Variants in ADAMTSL1 observed in about 807,000 individuals in gnomAD.
The protein encoded by ADAMTSL1 is ADAMTS like 1, also known as ADAMTS-like protein 1.
ADAMTSL1 carries 126 observed loss-of-function variants against 201.8 expected under a neutral mutation model. The observed-to-expected ratio is 0.62, with a 90% CI of 0.54 to 0.72. The LOEUF (loss-of-function observed/expected upper bound fraction) is 0.72, where lower values mean the gene tolerates loss of function less well. ADAMTSL1 is among the 30% of genes least tolerant of loss of function. The probability of loss-of-function intolerance (pLI) is 0.00; values close to 1 mark genes in which losing one functional copy is unlikely to be tolerated. For missense variants in ADAMTSL1, 2,679 were observed against 2,277.8 expected, an observed-to-expected ratio of 1.18 and a Z score of -3.59; for synonymous variants, 1,121 against 903.4, an observed-to-expected ratio of 1.24 and a Z score of -4.32.
At chr9:18,883,677 CT>C (rs1451546230) in intron 23 of ADAMTSL1, among the ~76,000 whole-genome samples, 1 of 152,108 alleles carries the variant, frequency 6.6e-6, no homozygotes, top group Non-Finnish European at 1.5e-5. Context: ...AATATTTGTC[CT>C]TTTATATCTG....
chr9:18,618,232 T>C (rs977629410), intron 4 of ADAMTSL1, among the ~76,000 whole-genome samples: 4 of 152,234 alleles, frequency 2.6e-5, no homozygotes, highest in Non-Finnish European at 5.9e-5. Flanking sequence ...TAAAAACACA[T>C]GTACATATAC....
chr9:18,226,479 G>T (rs1170413050), intron 2 of ADAMTSL1, among the ~76,000 whole-genome samples: 1 of 152,086 alleles, frequency 6.6e-6, no homozygotes, highest in Non-Finnish European at 1.5e-5. Context: ...TCAGATAAGG[G>T]TTTCATACAT....
chr9:18,437,356 C>G (rs973494217), intron 2 of ADAMTSL1, among the ~76,000 whole-genome samples: 1 of 152,124 alleles, frequency 6.6e-6, no homozygotes, highest in Non-Finnish European at 1.5e-5. Context: ...ATCCCCAGTG[C>G]TGCTAGTTTT....
chr9:18,816,483 C>T (rs1563825380), intron 20 of ADAMTSL1, among the ~76,000 whole-genome samples: 1 of 152,138 alleles, frequency 6.6e-6, no homozygotes, highest in Non-Finnish European at 1.5e-5. Context: ...GTGATCGACC[C>T]ACCTCAGCCT....
chr9:17,981,752 A>G (rs1450412897), intron 1 of ADAMTSL1, among the ~76,000 whole-genome samples: 1 of 152,182 alleles, frequency 6.6e-6, no homozygotes, highest in Non-Finnish European at 1.5e-5. Context: ...TGTTAGATAC[A>G]GGTTCTGTTT....
At position 18,679,832 on chromosome 9, in the gene ADAMTSL1, T is replaced by TAA. The variant is rs5896797; in HGVS notation, c.1137-473_1137-472dup. Among the ~76,000 whole-genome samples, 16 of 151,692 alleles carry TAA rather than the reference T, an allele frequency of 1.1e-4. 1 individual carries two copies. The highest frequency in any genetic ancestry group is 5.9e-4 in the Admixed American group (9 of 15,252). ...TTGATCTTTTATGAGCTTCTTCTAT[T>TAA]AAAAAAAATACCTAGAAGTTAAGTA... On this transcript the variant is annotated intron_variant, in intron 10 of 28. Coordinates refer to ENST00000380548, the MANE Select transcript of ADAMTSL1 (RefSeq NM_001040272.6).
chr9:18,729,113 T>TC, intron 15 of ADAMTSL1, among the ~76,000 whole-genome samples: 1 of 152,282 alleles, frequency 6.6e-6, no homozygotes, highest in South Asian at 2.1e-4. Context: ...TTGTGATTGC[T>TC]CCTATGATCA....
At chr9:18,487,009 A>G (rs1587351713) in intron 1 of ADAMTSL1, among the ~76,000 whole-genome samples, 1 of 152,342 alleles carries the variant, frequency 6.6e-6, no homozygotes, top group East Asian at 1.9e-4. Context: ...GTTCCCTTTG[A>G]AAACAGCTAA....
At chr9:18,692,007 A>C (rs1336349745) in intron 13 of ADAMTSL1, among the ~76,000 whole-genome samples, 2 of 152,184 alleles carry the variant, frequency 1.3e-5, no homozygotes, top group Non-Finnish European at 2.9e-5. Context: ...TGCCTCATAC[A>C]TCTTGTATCT....
At chr9:18,796,313 G>A (rs925648570) in intron 20 of ADAMTSL1, among the ~76,000 whole-genome samples, 1 of 152,126 alleles carries the variant, frequency 6.6e-6, no homozygotes, top group Non-Finnish European at 1.5e-5. Context: ...AAGGGAACTG[G>A]AGTCTCCTAA....
At chr9:18,592,251 C>T (rs1168944238) in intron 4 of ADAMTSL1, among the ~76,000 whole-genome samples, 1 of 152,078 alleles carries the variant, frequency 6.6e-6, no homozygotes, top group Non-Finnish European at 1.5e-5. Context: ...CTGAGCTGTT[C>T]TTCATTGCTT....
chr9:18,108,127 C>G (rs940387936), intron 1 of ADAMTSL1, among the ~76,000 whole-genome samples: 15 of 151,528 alleles, frequency 9.9e-5, no homozygotes, highest in African/African-American at 3.6e-4. Context: ...CTCCAAAGCC[C>G]AAGAATCTTA....
chr9:18,119,741 G>T (rs1014517880), intron 1 of ADAMTSL1, among the ~76,000 whole-genome samples: 1 of 152,120 alleles, frequency 6.6e-6, no homozygotes, highest in Non-Finnish European at 1.5e-5. Flanking sequence ...AGGTTGCCAG[G>T]CGTGGAGGTC....
intron 1 of ADAMTSL1, among the ~76,000 whole-genome samples, chr9:18,106,259 T>G (rs1365459563): frequency 6.6e-6 from 1 of 152,216 alleles, no homozygotes; most frequent in Admixed American, 6.5e-5. Context: ...GAGCCTCATA[T>G]GAAAAGACAT....
At chr9:18,028,053 G>A (rs554159033) in intron 1 of ADAMTSL1, among the ~76,000 whole-genome samples, 7 of 151,990 alleles carry the variant, frequency 4.6e-5, no homozygotes, top group African/African-American at 1.2e-4. Flanking sequence ...TTTGTTTTCC[G>A]TTTGTGTAAT....
chr9:18,120,649 C>G (rs1053009466), intron 1 of ADAMTSL1, among the ~76,000 whole-genome samples: 2 of 152,036 alleles, frequency 1.3e-5, no homozygotes, highest in Non-Finnish European at 2.9e-5. Context: ...CATGTGTGTA[C>G]ACACACACAA....
intron 1 of ADAMTSL1, among the ~76,000 whole-genome samples, chr9:18,055,211 TAGTC>T (rs1397609520): frequency 6.6e-6 from 1 of 152,244 alleles, no homozygotes; most frequent in African/African-American, 2.4e-5. Flanking sequence ...CACCTATTCA[TAGTC>T]AGTTTAGTAA....
At chr9:18,390,944 G>A (rs1179893662) in intron 2 of ADAMTSL1, among the ~76,000 whole-genome samples, 2 of 152,124 alleles carry the variant, frequency 1.3e-5, no homozygotes, top group South Asian at 4.1e-4. Flanking sequence ...GATAAACGGA[G>A]GTGTTAATTT....
intron 2 of ADAMTSL1, among the ~76,000 whole-genome samples, chr9:18,169,174 G>C (rs1827773927): frequency 6.6e-6 from 1 of 151,386 alleles, no homozygotes; most frequent in African/African-American, 2.4e-5. Flanking sequence ...CATTGCTTTT[G>C]GTGTTTTAGG....
Sources: gnomAD v4.1 joint callset for allele counts (sites outside exome capture counted in the v4.1 genomes callset) on GRCh38, gnomAD v4.1.1 for gene constraint, MANE v1.5 for transcripts, NCBI Gene and HGNC (gene_info 2026-07-23, HGNC 2026-07-21) for gene names.